GARIN3: variants seen among roughly 807,000 people sequenced by gnomAD.
GARIN3 encodes golgi associated RAB2 interactor family member 3.
the GARIN3 span, chr5:157,163,244 T>C: frequency 2.0e-5 from 33 of 1,614,002 alleles, no homozygotes; most frequent in African/African-American, 4.0e-5. Context: ...GCCAAGCTAA[T>C]ACCCTCTGAG....
chr5:157,163,066 G>A, the GARIN3 span: 2 of 1,614,202 alleles, frequency 1.2e-6, no homozygotes, highest in East Asian at 4.5e-5. Flanking sequence ...TTGCAAGGTG[G>A]AGATGAGGGG....
chr5:157,163,144 G>T, the GARIN3 span: 1 of 1,614,104 alleles, frequency 6.2e-7, no homozygotes, highest in Non-Finnish European at 8.5e-7. Context: ...TGCAAACGCC[G>T]CACTCAAGCT....
chr5:157,162,402 A>C, the GARIN3 span: 1 of 1,579,250 alleles, frequency 6.3e-7, no homozygotes, highest in South Asian at 1.2e-5. Context: ...GGGCTCCTCT[A>C]GGGATACTTC....
chr5:157,163,704 G>A, the GARIN3 span: 7 of 1,568,960 alleles, frequency 4.5e-6, no homozygotes, highest in Admixed American at 7.3e-5. Flanking sequence ...ATGACTGAAA[G>A]GGAGATCAGA....
the GARIN3 span, chr5:157,163,330 G>C: frequency 6.2e-7 from 1 of 1,614,058 alleles, no homozygotes; most frequent in Non-Finnish European, 8.5e-7. Context: ...TCCCGCCAGC[G>C]CTGTGGTCAC....
chr5:157,164,719 G>T, the GARIN3 span, among the ~76,000 whole-genome samples: 2 of 152,172 alleles, frequency 1.3e-5, no homozygotes, highest in Non-Finnish European at 2.9e-5. Flanking sequence ...AGGGTGTGCT[G>T]ATTGACACAG....
chr5:157,162,480 C>T, the GARIN3 span: 2,090 of 1,614,074 alleles, frequency 1.3e-3, 4 homozygotes, highest in Middle Eastern at 6.1e-3. Flanking sequence ...CGATCATCTC[C>T]GTCTTCTCGG....
chr5:157,162,570 C>T, the GARIN3 span: 1 of 1,614,180 alleles, frequency 6.2e-7, no homozygotes, highest in South Asian at 1.1e-5. Context: ...TTTGCTTCTC[C>T]ACCATCTTAG....
the GARIN3 span, chr5:157,163,644 G>T: frequency 5.6e-6 from 9 of 1,613,662 alleles, no homozygotes; most frequent in Non-Finnish European, 7.6e-6. Flanking sequence ...CCCCTTCTCT[G>T]TGGAGCTCTG....
the GARIN3 span, chr5:157,165,858 C>T: frequency 2.3e-5 from 37 of 1,613,970 alleles, no homozygotes; most frequent in Admixed American, 1.2e-4. Flanking sequence ...CTTGGCAAAC[C>T]GGCCCCATCT....
the GARIN3 span, chr5:157,162,393 G>A: frequency 1.3e-6 from 2 of 1,549,668 alleles, no homozygotes; most frequent in Non-Finnish European, 1.7e-6. Context: ...AGCTGGGATG[G>A]GCTCCTCTAG....
At chr5:157,165,701 G>A in the GARIN3 span, 8 of 1,614,194 alleles carry the variant, frequency 5.0e-6, no homozygotes, top group Non-Finnish European at 6.8e-6. Context: ...TGTCAGAAGA[G>A]GGACACAACT....
the GARIN3 span, chr5:157,163,373 T>A: frequency 1.2e-6 from 2 of 1,614,170 alleles, no homozygotes; most frequent in South Asian, 2.2e-5. Context: ...GTTGTTGCTA[T>A]GCTCATAGCA....
the GARIN3 span, chr5:157,162,170 G>A: frequency 1.0e-5 from 5 of 484,832 alleles, no homozygotes; most frequent in South Asian, 1.5e-4. Flanking sequence ...AGGGATTGAG[G>A]CAAAGCTGAA....
chr5:157,164,692 C>T, the GARIN3 span, among the ~76,000 whole-genome samples: 2 of 152,138 alleles, frequency 1.3e-5, no homozygotes, highest in Admixed American at 6.5e-5. Context: ...CGATTGTGCA[C>T]GTGCATACAC....
the GARIN3 span, chr5:157,165,417 G>C: frequency 7.8e-6 from 10 of 1,280,944 alleles, no homozygotes; most frequent in Middle Eastern, 2.8e-4. Context: ...AAGTCCCCTA[G>C]TAGTGGCTCA....
the GARIN3 span, chr5:157,162,271 C>T: frequency 1.0e-6 from 1 of 959,786 alleles, no homozygotes; most frequent in Non-Finnish European, 1.5e-6. Flanking sequence ...GCCACCATCA[C>T]AGAAGCCACT....
chr5:157,163,382 C>A, the GARIN3 span: 1 of 1,614,142 alleles, frequency 6.2e-7, no homozygotes, highest in South Asian at 1.1e-5. Context: ...ATGCTCATAG[C>A]ACCTGTTGCA....
chr5:157,165,899 G>C, the GARIN3 span: 1 of 1,614,028 alleles, frequency 6.2e-7, no homozygotes, highest in African/African-American at 1.3e-5. Context: ...TAGTTGGTTG[G>C]GCCAGAACCA....
Sources: gnomAD v4.1 joint callset for allele counts (sites outside exome capture counted in the v4.1 genomes callset) on GRCh38, gnomAD v4.1.1 for gene constraint, MANE v1.5 for transcripts, NCBI Gene and HGNC (gene_info 2026-07-23, HGNC 2026-07-21) for gene names.